MEIS2: variants seen among roughly 807,000 people sequenced by gnomAD.
MEIS2 encodes Meis homeobox 2.
MEIS2 carries 9 observed loss-of-function variants against 58.6 expected under a neutral mutation model. The ratio of observed to expected loss-of-function variants is 0.15; its 90% CI spans 0.09 to 0.27. The LOEUF is 0.27. Ranked by LOEUF, MEIS2 falls within the 10% of genes least tolerant of loss-of-function variation. The pLI is 1.00. For missense variants in MEIS2, 427 were observed against 635.0 expected (o/e 0.67, Z 3.52); for synonymous variants, 221 against 228.4 (o/e 0.97, Z 0.29).
Position 36,890,863 on chromosome 15 carries a change from T to C in MEIS2, c.*1310A>G, listed in dbSNP as rs1302145367. On this transcript the variant is annotated 3_prime_UTR_variant, in exon 12 of 12. Transcript: ENST00000561208. ...AGAAGTTTTCTGCTGGTGGAACTTA[T>C]AGGTCAAATAGACATTGAAAGGCTA... 6.6e-6 allele frequency: 1 copy of C among 152,204 alleles called. No individual in the cohort carries two copies. The highest frequency in any genetic ancestry group is 1.5e-5 in the Non-Finnish European group (1 of 68,028). 9.4% of individuals were successfully genotyped at this position (152,204 alleles called of 1,614,324 possible).
At chr15:37,007,404 T>G (rs2060961413) in intron 8 of MEIS2, among the ~76,000 whole-genome samples, 1 of 151,958 alleles carries the variant, frequency 6.6e-6, no homozygotes. Context: ...AAAAGAGAAT[T>G]CACAAGAAGC....
intron 8 of MEIS2, among the ~76,000 whole-genome samples, chr15:36,990,704 C>T (rs550923472): frequency 3.3e-5 from 5 of 150,666 alleles, no homozygotes; most frequent in African/African-American, 9.8e-5. Context: ...TTAAAGTGCA[C>T]GATTTGATGT....
intron 8 of MEIS2, among the ~76,000 whole-genome samples, chr15:36,972,264 C>CT (rs1483851032): frequency 6.6e-6 from 1 of 152,126 alleles, no homozygotes; most frequent in Non-Finnish European, 1.5e-5. Flanking sequence ...ACTAAAAGGA[C>CT]TGAGTTTAAA....
chr15:37,009,919 T>C (rs2141627907), intron 8 of MEIS2, among the ~76,000 whole-genome samples: 1 of 152,318 alleles, frequency 6.6e-6, no homozygotes, highest in South Asian at 2.1e-4. Flanking sequence ...CTAATGTATT[T>C]AGTGGTTGTT....
intron 7 of MEIS2, among the ~76,000 whole-genome samples, chr15:37,068,456 T>C (rs566747611): frequency 6.6e-6 from 1 of 152,278 alleles, no homozygotes; most frequent in South Asian, 2.1e-4. Flanking sequence ...TGCTAGCAAA[T>C]TCTAAGTTGT....
rs1449882838 is a variant in MEIS2, at chr15:37,093,620, A to T, written c.600T>A (p.His200Gln). ...TTGTGGAGGAGCCTGAAAGTTCTTC[A>T]TGATCTGACTTGGAGCTGCCGTCTC... Reference protein sequence around the residue: ...DERDGSSKSDHEELSGSSTNL... With the variant: ...DERDGSSKSDQEELSGSSTNL... The change falls in exon 6 of 12, where the codon CAT becomes CAA. Residue 200 changes from histidine to glutamine, a missense_variant. Coordinates refer to ENST00000561208, the MANE Select transcript of MEIS2 (RefSeq NM_170675.5). 2 of 1,614,210 alleles carry T rather than the reference A, an allele frequency of 1.2e-6. No homozygotes were observed. The highest frequency in any genetic ancestry group is 1.7e-6 in the Non-Finnish European group (2 of 1,180,038).
At chr15:36,901,698 G>T (rs1425276259) in intron 9 of MEIS2, among the ~76,000 whole-genome samples, 1 of 152,144 alleles carries the variant, frequency 6.6e-6, no homozygotes, top group East Asian at 1.9e-4. Flanking sequence ...ATAAAAACAT[G>T]ATGTTAATCT....
At chr15:37,079,031 A>C (rs902523784) in intron 7 of MEIS2, among the ~76,000 whole-genome samples, 12 of 152,160 alleles carry the variant, frequency 7.9e-5, no homozygotes, top group Non-Finnish European at 1.8e-4. Context: ...TTTTACTTCT[A>C]ATGGTTACTA....
chr15:37,077,359 C>G (rs754489365), intron 7 of MEIS2, among the ~76,000 whole-genome samples: 4 of 151,988 alleles, frequency 2.6e-5, no homozygotes, highest in Non-Finnish European at 5.9e-5. Context: ...CTACCCAATC[C>G]ATTTTGTTTA....
intron 7 of MEIS2, among the ~76,000 whole-genome samples, chr15:37,038,041 T>G (rs545055455): frequency 6.6e-6 from 1 of 152,174 alleles, no homozygotes; most frequent in Non-Finnish European, 1.5e-5. Flanking sequence ...AGTGGAGAGT[T>G]TATGCTCCCT....
At chr15:37,069,227 T>C (rs1040180272) in intron 7 of MEIS2, among the ~76,000 whole-genome samples, 9 of 152,162 alleles carry the variant, frequency 5.9e-5, no homozygotes, top group African/African-American at 2.2e-4. Context: ...AACATCAGTC[T>C]GGTTGGATAA....
chr15:36,906,651 G>GAAAAAAAA (rs56715244), intron 9 of MEIS2, among the ~76,000 whole-genome samples: 2 of 96,554 alleles, frequency 2.1e-5, no homozygotes, highest in Non-Finnish European at 2.1e-5. Flanking sequence ...AGCCACTCAA[G>GAAAAAAAA]AAAAAAAAAA....
chr15:36,914,514 C>T (rs922797022), intron 9 of MEIS2, among the ~76,000 whole-genome samples: 1 of 152,068 alleles, frequency 6.6e-6, no homozygotes, highest in African/African-American at 2.4e-5. Flanking sequence ...TCTGAGTTTC[C>T]CATTTGAAAA....
At chr15:37,009,555 G>T (rs907813866) in intron 8 of MEIS2, among the ~76,000 whole-genome samples, 1 of 152,184 alleles carries the variant, frequency 6.6e-6, no homozygotes, top group African/African-American at 2.4e-5. Flanking sequence ...ACAAAAGATT[G>T]TGTCTATTAA....
At chr15:36,907,121 A>C (rs2056780182) in intron 9 of MEIS2, among the ~76,000 whole-genome samples, 1 of 152,230 alleles carries the variant, frequency 6.6e-6, no homozygotes, top group Non-Finnish European at 1.5e-5. Flanking sequence ...TATATAAAAG[A>C]CTATGTATTT....
chr15:36,969,366 AT>A (rs761748601), intron 8 of MEIS2, among the ~76,000 whole-genome samples: 1 of 152,178 alleles, frequency 6.6e-6, no homozygotes, highest in Non-Finnish European at 1.5e-5. Context: ...TACTGCACAA[AT>A]TTCAAAACCA....
At chr15:37,090,158 C>A (rs942789220) in intron 6 of MEIS2, among the ~76,000 whole-genome samples, 3 of 151,790 alleles carry the variant, frequency 2.0e-5, no homozygotes, top group African/African-American at 7.3e-5. Context: ...CTCTTTCCTA[C>A]CTATAAATAT....
intron 8 of MEIS2, among the ~76,000 whole-genome samples, chr15:37,024,517 C>G (rs914655524): frequency 1.7e-4 from 26 of 152,188 alleles, no homozygotes; most frequent in African/African-American, 5.8e-4. Context: ...GCGTCTAAAC[C>G]TAAGGCCTCT....
intron 7 of MEIS2, among the ~76,000 whole-genome samples, chr15:37,051,909 T>C (rs191258654): frequency 6.6e-6 from 1 of 152,074 alleles, no homozygotes; most frequent in Non-Finnish European, 1.5e-5. Context: ...TGGCAGATTT[T>C]ACAAAAAATA....
Sources: gnomAD v4.1 joint callset for allele counts (sites outside exome capture counted in the v4.1 genomes callset) on GRCh38, gnomAD v4.1.1 for gene constraint, MANE v1.5 for transcripts, NCBI Gene and HGNC (gene_info 2026-07-23, HGNC 2026-07-21) for gene names.